The following CAMK2D variants were observed in gnomAD, a reference collection of about 807,000 sequenced individuals.
The protein encoded by CAMK2D is calcium/calmodulin dependent protein kinase II delta.
Under a neutral mutation model 84.0 loss-of-function variants are expected in CAMK2D, and 37 were observed. The ratio of observed to expected loss-of-function variants is 0.44; its 90% CI spans 0.34 to 0.58. The LOEUF (loss-of-function observed/expected upper bound fraction) is 0.58. Among genes scored for constraint, CAMK2D ranks in the 20% least tolerant of loss-of-function variants. CAMK2D has a pLI of 0.02. For synonymous variants in CAMK2D, 202 were observed against 212.5 expected, an observed-to-expected ratio of 0.95 and a Z score of 0.43; for missense variants, 448 against 652.5, an observed-to-expected ratio of 0.69 and a Z score of 3.41.
At chr4:113,652,695 A>C (rs1211928809) in intron 3 of CAMK2D, among the ~76,000 whole-genome samples, 1 of 152,130 alleles carries the variant, frequency 6.6e-6, no homozygotes, top group Non-Finnish European at 1.5e-5. Flanking sequence ...AAATTACTAT[A>C]AACTTCCAAT....
At chr4:113,522,777 T>C (rs1364998218) in intron 8 of CAMK2D, among the ~76,000 whole-genome samples, 3 of 152,238 alleles carry the variant, frequency 2.0e-5, no homozygotes, top group Non-Finnish European at 2.9e-5. Flanking sequence ...TACTTGCTAA[T>C]AAATTATAAA....
intron 3 of CAMK2D, among the ~76,000 whole-genome samples, chr4:113,625,660 TGTGA>T (rs1341516483): frequency 6.6e-6 from 1 of 151,630 alleles, no homozygotes; most frequent in Non-Finnish European, 1.5e-5. Flanking sequence ...AGATCAGAGG[TGTGA>T]GTATCGGGGG....
chr4:113,542,415 T>C (rs1327597853), intron 6 of CAMK2D, among the ~76,000 whole-genome samples: 1 of 152,102 alleles, frequency 6.6e-6, no homozygotes, highest in Non-Finnish European at 1.5e-5. Flanking sequence ...CTACTACCCA[T>C]GGTTAACAAG....
At position 113,537,496 on chromosome 4, in the gene CAMK2D, AC is replaced by A; in HGVS notation, c.415-54del. Reference sequence around the variant, plus strand: ...CTGAAGTGAGAACCTATTTTAAGCGACTATTCAAAACTAACAACATTTTACA... The same window carrying A: ...CTGAAGTGAGAACCTATTTTAAGCGATATTCAAAACTAACAACATTTTACA... On this transcript the variant is annotated intron_variant, in intron 6 of 20. Coordinates refer to ENST00000511664, the MANE Select transcript of CAMK2D (RefSeq NM_001321571.2). 3 of 1,025,448 alleles carry A rather than the reference AC, an allele frequency of 2.9e-6. No homozygotes were observed. The South Asian group carries it at 4.0e-5, about 14-fold the overall frequency. The allele number at this position is 1,025,448 out of a possible 1,614,324, so 63.5% of individuals were successfully genotyped here. A position where few individuals can be genotyped will look rare whatever the true frequency, so the allele number is the denominator to read the frequency against.
chr4:113,686,266 T>C (rs2099359546), intron 2 of CAMK2D, among the ~76,000 whole-genome samples: 1 of 152,218 alleles, frequency 6.6e-6, no homozygotes, highest in South Asian at 2.1e-4. Flanking sequence ...TCCTTTACTA[T>C]CTTTGTAGTA....
Position 113,598,808 on chromosome 4 carries a change from C to T in CAMK2D, c.275+10344G>A, listed in dbSNP as rs149660222. 4.0e-3 allele frequency among the ~76,000 whole-genome samples: 606 copies of T among 152,190 alleles called. 7 individuals are homozygous for T. The highest frequency in any genetic ancestry group is 0.014 in the African/African-American group (581 of 41,522). On this transcript the variant is annotated intron_variant, in intron 4 of 20. Transcript: ENST00000511664. Reference sequence around the variant, plus strand: ...CAAGCCTCTCAAGTAGCTGGGATTACAAGCATGCACCACCATGCCCAGCTA... The same window carrying T: ...CAAGCCTCTCAAGTAGCTGGGATTATAAGCATGCACCACCATGCCCAGCTA...
chr4:113,663,894 T>C lies in CAMK2D; in HGVS notation c.161-2122A>G, dbSNP rs1334379451. The stretch of plus-strand genomic sequence containing the variant: ...TCCCCATAAAATTCATATGAAGCCA[T>C]CCTAATCTCCAGTTCCCACAGAATG... On this transcript the variant is annotated intron_variant, in intron 2 of 20. Transcript: ENST00000511664. 2.6e-5 allele frequency among the ~76,000 whole-genome samples: 4 copies of C among 152,094 alleles called. No homozygotes were observed. The South Asian group carries it at 8.3e-4, about 32-fold the overall frequency.
chr4:113,577,153 C>T (rs1216217109), intron 4 of CAMK2D, among the ~76,000 whole-genome samples: 1 of 152,074 alleles, frequency 6.6e-6, no homozygotes, highest in African/African-American at 2.4e-5. Flanking sequence ...ATTTTTACTG[C>T]TGTGGTTTTC....
intron 2 of CAMK2D, among the ~76,000 whole-genome samples, chr4:113,692,214 A>T (rs1021122466): frequency 2.0e-5 from 3 of 152,170 alleles, no homozygotes; most frequent in African/African-American, 7.2e-5. Flanking sequence ...ACACCAATTC[A>T]TCCCTACCTA....
chr4:113,652,179 C>T (rs2099175993), intron 3 of CAMK2D, among the ~76,000 whole-genome samples: 1 of 152,184 alleles, frequency 6.6e-6, no homozygotes, highest in Non-Finnish European at 1.5e-5. Flanking sequence ...CCACCATTTA[C>T]TAACTGCCTG....
intron 16 of CAMK2D, among the ~76,000 whole-genome samples, chr4:113,478,228 C>T (rs2097655157): frequency 6.6e-6 from 1 of 152,174 alleles, no homozygotes; most frequent in African/African-American, 2.4e-5. Context: ...AACCACACAG[C>T]ACTTACCGAA....
chr4:113,596,607 C>T (rs1257003459), intron 4 of CAMK2D, among the ~76,000 whole-genome samples: 1 of 152,084 alleles, frequency 6.6e-6, no homozygotes, highest in Non-Finnish European at 1.5e-5. Context: ...TGTACATCTC[C>T]GTCAGAGCTC....
chr4:113,499,137 T>C (rs2097991027), intron 16 of CAMK2D, among the ~76,000 whole-genome samples: 1 of 152,158 alleles, frequency 6.6e-6, no homozygotes, highest in South Asian at 2.1e-4. Context: ...GAAAGCTAAA[T>C]GGCATATCTA....
At chr4:113,551,596 G>A (rs1023428772) in intron 5 of CAMK2D, among the ~76,000 whole-genome samples, 1 of 152,072 alleles carries the variant, frequency 6.6e-6, no homozygotes, top group African/African-American at 2.4e-5. Flanking sequence ...CTAGGCAGTT[G>A]GCTAGACCAA....
At chr4:113,511,279 T>C (rs1273226376) in intron 12 of CAMK2D, among the ~76,000 whole-genome samples, 8 of 152,160 alleles carry the variant, frequency 5.3e-5, no homozygotes, top group Admixed American at 4.6e-4. Flanking sequence ...GGTCTAATAT[T>C]CTTCAGTTGA....
At chr4:113,469,090 T>C (rs1372611788) in intron 16 of CAMK2D, among the ~76,000 whole-genome samples, 1 of 152,222 alleles carries the variant, frequency 6.6e-6, no homozygotes, top group Non-Finnish European at 1.5e-5. Flanking sequence ...CAAATTCATA[T>C]ATTTTTGGCT....
Position 113,454,065 on chromosome 4 carries a change from A to G in CAMK2D, c.*480T>C, listed in dbSNP as rs931903538. The G allele has an allele frequency of 7.0e-6, 1 of 143,878 alleles. No individual in the cohort carries two copies. The highest frequency in any genetic ancestry group is 2.6e-5 in the African/African-American group (1 of 37,882). The allele number at this position is 143,878 out of a possible 1,614,324, so 8.9% of individuals were successfully genotyped here. ...AACCAGGATCACACCAGGAAACTGAAGGTGTATTTTTTTTTTACCTTAAAA... is the reference window on the plus strand; with the variant it reads ...AACCAGGATCACACCAGGAAACTGAGGGTGTATTTTTTTTTTACCTTAAAA... On this transcript the variant is annotated 3_prime_UTR_variant, in exon 21 of 21. Transcript: ENST00000511664.
chr4:113,743,033 T>C (rs1254006172), intron 2 of CAMK2D, among the ~76,000 whole-genome samples: 1 of 152,204 alleles, frequency 6.6e-6, no homozygotes, highest in Non-Finnish European at 1.5e-5. Context: ...TTTCCCAGGT[T>C]TCACTTTCAA....
At position 113,608,042 on chromosome 4, in the gene CAMK2D, C is replaced by A. The variant is rs1015993849; in HGVS notation, c.275+1110G>T. On this transcript the variant is annotated intron_variant, in intron 4 of 20. Coordinates refer to ENST00000511664, the MANE Select transcript of CAMK2D (RefSeq NM_001321571.2). Reference sequence around the variant, plus strand: ...TTGAACAGATATCTTCTGAGAGGCTCTTGAGAAAGACTTCTCCATGAATAA... The same window carrying A: ...TTGAACAGATATCTTCTGAGAGGCTATTGAGAAAGACTTCTCCATGAATAA... 5.3e-5 allele frequency among the ~76,000 whole-genome samples: 8 copies of A among 152,274 alleles called. No individual in the cohort carries two copies. The South Asian group carries it at 8.3e-4, about 16-fold the overall frequency.
Sources: gnomAD v4.1 joint callset for allele counts (sites outside exome capture counted in the v4.1 genomes callset) on GRCh38, gnomAD v4.1.1 for gene constraint, MANE v1.5 for transcripts, NCBI Gene and HGNC (gene_info 2026-07-23, HGNC 2026-07-21) for gene names.